Variants in ME1 observed in about 807,000 individuals in gnomAD.
The protein encoded by ME1 is NADP-dependent malic enzyme.
In ME1, 74 loss-of-function variants were observed where a neutral mutation model predicts 66.4. That is an observed-to-expected ratio of 1.11 (90% CI 0.92 to 1.35). The LOEUF (loss-of-function observed/expected upper bound fraction) is 1.35, where lower values mean the gene tolerates loss of function less well. Ranked by LOEUF, ME1 falls within the 40% of genes most tolerant of loss-of-function variation. The probability of loss-of-function intolerance (pLI) is 0.00; values close to 1 mark genes in which losing one functional copy is unlikely to be tolerated. For synonymous variants in ME1, 251 were observed against 235.6 expected (o/e 1.07, Z -0.60); for missense variants, 750 against 694.1 (o/e 1.08, Z -0.90).
chr6:83,316,009 T>C (rs550207131), intron 5 of ME1, among the ~76,000 whole-genome samples: 98 of 152,282 alleles, frequency 6.4e-4, no homozygotes, highest in Non-Finnish European at 1.2e-3. Context: ...TTGTGTTAAT[T>C]AGAAAAGTGC....
rs776634306 is a variant in ME1 at position 83,398,513 on chromosome 6, A to G, written c.216T>C (p.Tyr72=). The G allele has an allele frequency of 6.6e-7, 1 of 1,521,574 alleles. No individual in the cohort carries two copies. The highest frequency in any genetic ancestry group is 8.9e-7 in the Non-Finnish European group (1 of 1,122,264). 94.3% of individuals were successfully genotyped at this position (1,521,574 alleles called of 1,614,324 possible). A position where few individuals can be genotyped will look rare whatever the true frequency, so the allele number is the denominator to read the frequency against. The change falls in exon 3 of 14, where the codon TAT becomes TAC. Residue 72 remains tyrosine, a synonymous_variant. Coordinates refer to ENST00000369705, the MANE Select transcript of ME1 (RefSeq NM_002395.6). ...TATCTTGGAGATCCATTAAGAGAAGATACCTGTAAAAATTGGACATAATTA... is the reference window on the plus strand; with the variant it reads ...TATCTTGGAGATCCATTAAGAGAAGGTACCTGTAAAAATTGGACATAATTA... ...FEHLNSDFDR[Y]LLLMDLQDRN...
intron 5 of ME1, among the ~76,000 whole-genome samples, chr6:83,345,353 T>C (rs1173377028): frequency 1.3e-5 from 2 of 152,360 alleles, no homozygotes; most frequent in Middle Eastern, 3.4e-3. Flanking sequence ...AAGTTAAACA[T>C]TGTAACTTTC....
intron 3 of ME1, among the ~76,000 whole-genome samples, chr6:83,361,984 A>G (rs1769014415): frequency 1.3e-5 from 2 of 152,148 alleles, no homozygotes; most frequent in South Asian, 4.1e-4. Context: ...GGAGTTCCCT[A>G]TGATCAGCTG....
chr6:83,274,845 T>C (rs974650933), intron 6 of ME1, among the ~76,000 whole-genome samples: 2 of 152,182 alleles, frequency 1.3e-5, no homozygotes, highest in African/African-American at 4.8e-5. Context: ...AGTCGGCTCA[T>C]GCACAGACAG....
intron 2 of ME1, among the ~76,000 whole-genome samples, chr6:83,398,738 G>A (rs1422304385): frequency 6.6e-6 from 1 of 152,164 alleles, no homozygotes; most frequent in Non-Finnish European, 1.5e-5. Context: ...TTGGGAGGCT[G>A]AGGTGGGCGG....
intron 5 of ME1, among the ~76,000 whole-genome samples, chr6:83,341,517 C>T (rs1049342161): frequency 1.3e-5 from 2 of 152,086 alleles, no homozygotes; most frequent in Non-Finnish European, 2.9e-5. Context: ...TACAGCTAAA[C>T]TACCTTTTAT....
In ME1 at chr6:83,211,693, G is replaced by A. The variant is rs564477094; in HGVS notation, c.*231C>T. The A allele has an allele frequency of 8.6e-4, 286 of 333,488 alleles. 1 individual carries two copies. Among genetic ancestry groups the A allele is most frequent in the Non-Finnish European group, 1.1e-4 (20 of 185,330 alleles). 20.7% of individuals were successfully genotyped at this position (333,488 alleles called of 1,614,324 possible). On this transcript the variant is annotated 3_prime_UTR_variant, in exon 14 of 14. Coordinates refer to ENST00000369705, the MANE Select transcript of ME1 (RefSeq NM_002395.6). ...TACAACAGCTTTTAAAGAGAACGTA[G>A]GCAGAATAATTCAGACAGAAACCAT...
intron 6 of ME1, among the ~76,000 whole-genome samples, chr6:83,277,655 A>G (rs994077439): frequency 2.0e-5 from 3 of 152,130 alleles, no homozygotes; most frequent in Non-Finnish European, 2.9e-5. Flanking sequence ...TAATCCCAGC[A>G]CTTTGGGAGG....
At chr6:83,362,541 G>A (rs962448755) in intron 3 of ME1, among the ~76,000 whole-genome samples, 5 of 152,314 alleles carry the variant, frequency 3.3e-5, no homozygotes, top group East Asian at 3.9e-4. Context: ...ATGTACTTCC[G>A]CTCACCAAGG....
At chr6:83,394,613 A>G (rs1051813908) in intron 3 of ME1, among the ~76,000 whole-genome samples, 15 of 152,218 alleles carry the variant, frequency 9.9e-5, no homozygotes, top group African/African-American at 3.6e-4. Context: ...ATCCACATTC[A>G]ATATTGCTTT....
At chr6:83,412,983 T>C (rs1770080887) in intron 1 of ME1, among the ~76,000 whole-genome samples, 1 of 152,212 alleles carries the variant, frequency 6.6e-6, no homozygotes, top group South Asian at 2.1e-4. Context: ...TTGAATTTTA[T>C]TAGACTCTAT....
At chr6:83,247,473 T>C (rs1170770818) in intron 7 of ME1, among the ~76,000 whole-genome samples, 1 of 152,016 alleles carries the variant, frequency 6.6e-6, no homozygotes, top group Non-Finnish European at 1.5e-5. Flanking sequence ...ATTCTAAGTA[T>C]ATACAATTTT....
intron 12 of ME1, among the ~76,000 whole-genome samples, chr6:83,223,552 T>C (rs1790131406): frequency 6.6e-6 from 1 of 152,216 alleles, no homozygotes; most frequent in Non-Finnish European, 1.5e-5. Context: ...AAAAACACAA[T>C]TTTTCTAATG....
intron 6 of ME1, among the ~76,000 whole-genome samples, chr6:83,281,806 C>CAAAAAAAAAAAAAAAAAAAAAAAAAAA (rs140157932): frequency 5.3e-4 from 7 of 13,286 alleles, no homozygotes; most frequent in Non-Finnish European, 6.6e-4. Flanking sequence ...ACTCTGTCTC[C>CAAAAAAAAAAAAAAAAAAAAAAAAAAA]AAAAAAAAAA....
At chr6:83,394,349 T>C (rs1235465429) in intron 3 of ME1, among the ~76,000 whole-genome samples, 1 of 152,112 alleles carries the variant, frequency 6.6e-6, no homozygotes. Context: ...TTTAAGGTGA[T>C]AGATATCTCA....
chr6:83,301,318 C>T (rs112369103), intron 6 of ME1, among the ~76,000 whole-genome samples: 1,214 of 117,732 alleles, frequency 0.01, 18 homozygotes, highest in African/African-American at 0.045. Context: ...CTTTCTTTCT[C>T]TCTCTCTCTC....
chr6:83,404,221 C>T (rs1389704438), intron 2 of ME1, among the ~76,000 whole-genome samples: 1 of 152,042 alleles, frequency 6.6e-6, no homozygotes, highest in African/African-American at 2.4e-5. Context: ...GATGGTATTT[C>T]ATTGCGGTTT....
chr6:83,399,106 T>C (rs1769796601), intron 2 of ME1, among the ~76,000 whole-genome samples: 2 of 152,104 alleles, frequency 1.3e-5, no homozygotes, highest in Non-Finnish European at 2.9e-5. Context: ...CGTTTTCTCC[T>C]GCCTCAGCCT....
At chr6:83,322,160 G>T (rs1302388050) in intron 5 of ME1, among the ~76,000 whole-genome samples, 1 of 152,058 alleles carries the variant, frequency 6.6e-6, no homozygotes, top group Non-Finnish European at 1.5e-5. Flanking sequence ...TCACCAACAG[G>T]GAAGACCAAA....
Sources: gnomAD v4.1 joint callset for allele counts (sites outside exome capture counted in the v4.1 genomes callset) on GRCh38, gnomAD v4.1.1 for gene constraint, MANE v1.5 for transcripts, NCBI Gene and HGNC (gene_info 2026-07-23, HGNC 2026-07-21) for gene names.